FAT3: variants seen among roughly 807,000 people sequenced by gnomAD.
FAT3 encodes the protein protocadherin Fat 3.
In FAT3, 95 loss-of-function variants were observed where a neutral mutation model predicts 310.2. The ratio of observed to expected loss-of-function variants is 0.31; its 90% confidence interval spans 0.26 to 0.36. The LOEUF (loss-of-function observed/expected upper bound fraction) is 0.36. Ranked by LOEUF, FAT3 falls within the 10% of genes least tolerant of loss-of-function variation. FAT3 has a pLI of 1.00. For missense variants in FAT3, 5,408 were observed against 5,715.6 expected, an observed-to-expected ratio of 0.95 and a Z score of 1.74; for synonymous variants, 2,314 against 2,192.9, an observed-to-expected ratio of 1.06 and a Z score of -1.54.
chr11:92,391,283 G>A (rs1442482075), intron 2 of FAT3, among the ~76,000 whole-genome samples: 4 of 152,116 alleles, frequency 2.6e-5, no homozygotes, highest in African/African-American at 4.8e-5. Context: ...ACAGACCGTC[G>A]AAGACCCAGA....
At chr11:92,829,590 T>C (rs1948188629) in intron 13 of FAT3, among the ~76,000 whole-genome samples, 1 of 152,126 alleles carries the variant, frequency 6.6e-6, no homozygotes, top group African/African-American at 2.4e-5. Flanking sequence ...GGAATTCATG[T>C]TGAAGAATTT....
Position 92,831,705 on chromosome 11 carries a change from C to T in FAT3, c.9565C>T (p.Leu3189=), listed in dbSNP as rs762107482. Residue 3189 remains leucine, a synonymous_variant, in exon 14 of 28, where the codon CTG becomes TTG. Transcript: ENST00000525166. ...SIDSSSGIII[L]EQPLDREQQS... ...TGACAGCTCATCTGGCATCATCATC[C>T]TGGAGCAGCCACTGGACCGTGAGCA... 1.9e-6 allele frequency: 3 copies of T among 1,613,388 alleles called. No individual in the cohort carries two copies. The highest frequency in any genetic ancestry group is 2.5e-6 in the Non-Finnish European group (3 of 1,179,768).
chr11:92,783,700 A>T (rs1003581142), intron 7 of FAT3, among the ~76,000 whole-genome samples: 1 of 152,082 alleles, frequency 6.6e-6, no homozygotes, highest in Non-Finnish European at 1.5e-5. Flanking sequence ...GCTACTTGGG[A>T]GGCTGAGGTG....
intron 2 of FAT3, among the ~76,000 whole-genome samples, chr11:92,494,493 C>T (rs969495159): frequency 1.3e-5 from 2 of 152,026 alleles, no homozygotes; most frequent in Non-Finnish European, 2.9e-5. Flanking sequence ...ACTTTTATAA[C>T]TGTGATCACC....
chr11:92,597,354 A>G (rs569953992), intron 3 of FAT3, among the ~76,000 whole-genome samples: 1 of 152,332 alleles, frequency 6.6e-6, no homozygotes, highest in South Asian at 2.1e-4. Context: ...TTCATAGCTG[A>G]GGAAATGGAA....
intron 4 of FAT3, among the ~76,000 whole-genome samples, chr11:92,755,323 A>G (rs558994437): frequency 4.9e-4 from 74 of 152,200 alleles, no homozygotes; most frequent in Middle Eastern, 3.4e-3. Context: ...CCTGGGTTCA[A>G]GTGATTCTTC....
rs1948623438 is a variant in FAT3 at position 92,353,341 on chromosome 11, A to G, written c.1229A>G (p.Lys410Arg). The change falls in exon 2 of 28, where the codon AAA (lysine) becomes AGA (arginine). Residue 410 changes from lysine (K) to arginine (R), a missense_variant. By Grantham distance (26) the Lys-to-Arg change is conservative. Around this residue, in one of 5 missense-constraint regions of FAT3, gnomAD observed 4,588 missense variants for 4,809.8 expected, o/e 0.95. Coordinates refer to ENST00000525166, the MANE Select transcript of FAT3 (RefSeq NM_001367949.2). ...LSPEPIDVEY[K>R]LSPGEDAVYF... ...CCTGAACCGATAGATGTGGAATACA[A>G]ATTATCTCCTGGTGAGGATGCAGTG... 6.2e-7 allele frequency: 1 copy of G among 1,613,616 alleles called. No homozygotes were observed. The highest frequency in any genetic ancestry group is 1.1e-5 in the South Asian group (1 of 91,036).
In FAT3 at chr11:92,470,162, A is replaced by C. The variant is rs115479958; in HGVS notation, c.3293-54472A>C. On this transcript the variant is annotated intron_variant, in intron 2 of 27. Transcript: ENST00000525166. ...AGATTTATTGCCCGAGGCAGAACCCAGACCTCTCTTACTCTGAAGGAAATT... is the reference window on the plus strand; with the variant it reads ...AGATTTATTGCCCGAGGCAGAACCCCGACCTCTCTTACTCTGAAGGAAATT... 2.5e-3 allele frequency among the ~76,000 whole-genome samples: 377 copies of C among 152,330 alleles called. 2 individuals are homozygous for C. The highest frequency in any genetic ancestry group is 8.0e-3 in the African/African-American group (333 of 41,578).
chr11:92,272,182 G>A (rs1946139314), intron 1 of FAT3, among the ~76,000 whole-genome samples: 1 of 152,094 alleles, frequency 6.6e-6, no homozygotes, highest in Non-Finnish European at 1.5e-5. Context: ...CAAAGCTGCT[G>A]TAAAATCTTG....
chr11:92,512,418 T>C (rs1219715231), intron 2 of FAT3, among the ~76,000 whole-genome samples: 1 of 150,890 alleles, frequency 6.6e-6, no homozygotes, highest in Non-Finnish European at 1.5e-5. Flanking sequence ...GCAGATTGAT[T>C]GTTTCAAAAT....
chr11:92,740,319 G>A (rs985494651), intron 4 of FAT3, among the ~76,000 whole-genome samples: 6 of 152,148 alleles, frequency 3.9e-5, no homozygotes, highest in East Asian at 1.9e-4. Context: ...ATTGACTCCA[G>A]AGGCAGTGTG....
intron 2 of FAT3, among the ~76,000 whole-genome samples, chr11:92,478,404 T>C (rs1476776424): frequency 6.6e-6 from 1 of 152,182 alleles, no homozygotes; most frequent in Admixed American, 6.5e-5. Context: ...TGTCCATCTC[T>C]TTCTTCCAGT....
intron 3 of FAT3, among the ~76,000 whole-genome samples, chr11:92,586,567 T>C (rs1298660546): frequency 6.6e-6 from 1 of 152,020 alleles, no homozygotes; most frequent in Non-Finnish European, 1.5e-5. Flanking sequence ...TATGTTCTAA[T>C]AAAAACTAGA....
intron 2 of FAT3, among the ~76,000 whole-genome samples, chr11:92,477,596 G>A (rs1272425455): frequency 6.6e-6 from 1 of 152,118 alleles, no homozygotes; most frequent in Non-Finnish European, 1.5e-5. Context: ...AGCACCTAAT[G>A]TTTGCTAGTG....
At chr11:92,481,968 A>C (rs1591349862) in intron 2 of FAT3, among the ~76,000 whole-genome samples, 1 of 152,214 alleles carries the variant, frequency 6.6e-6, no homozygotes, top group East Asian at 1.9e-4. Flanking sequence ...CTCCATAGAG[A>C]TAATCATTTT....
intron 1 of FAT3, among the ~76,000 whole-genome samples, chr11:92,343,209 T>A (rs982012694): frequency 6.6e-6 from 1 of 152,162 alleles, no homozygotes; most frequent in Non-Finnish European, 1.5e-5. Context: ...GACAGGAAGA[T>A]TTGCACCACT....
intron 4 of FAT3, chr11:92,748,830 A>C (rs1945746564): frequency 6.6e-6 from 1 of 152,200 alleles, no homozygotes; most frequent in Non-Finnish European, 1.5e-5. Context: ...AGCGCAAGTT[A>C]AGTTTAGTTC....
At chr11:92,579,590 A>G (rs1181878407) in intron 3 of FAT3, among the ~76,000 whole-genome samples, 1 of 152,094 alleles carries the variant, frequency 6.6e-6, no homozygotes, top group East Asian at 1.9e-4. Context: ...GTACTTCAAT[A>G]TGTGAAGTCT....
At position 92,801,360 on chromosome 11, in the gene FAT3, G is replaced by A. The variant is rs773294063; in HGVS notation, c.8347G>A (p.Val2783Ile). The change falls in exon 10 of 28, where the codon GTA becomes ATA. Residue 2783 changes from valine (V) to isoleucine (I), a missense_variant. By Grantham distance (29) the Val-to-Ile change is conservative (BLOSUM62 3). This residue lies in a region of FAT3 where 4,588 missense variants were observed against 4,809.8 expected (regional missense o/e 0.95). Coordinates refer to ENST00000525166, the MANE Select transcript of FAT3 (RefSeq NM_001367949.2). ...RETSPAFHFK[V>I]AATIPLDKVD... Reference sequence around the variant, plus strand: ...AACCAGCCCAGCTTTCCACTTTAAAGTAGCAGCCACTATACCCCTGGACAA... The same window carrying A: ...AACCAGCCCAGCTTTCCACTTTAAAATAGCAGCCACTATACCCCTGGACAA... The A allele has an allele frequency of 1.2e-6, 2 of 1,613,826 alleles. No individual in the cohort carries two copies.
Sources: gnomAD v4.1 joint callset for allele counts (sites outside exome capture counted in the v4.1 genomes callset) on GRCh38, gnomAD v4.1.1 for gene constraint, gnomAD v4.1.1 regional missense constraint, MANE v1.5 for transcripts, NCBI Gene and HGNC (gene_info 2026-07-23, HGNC 2026-07-21) for gene names.